EYS: variants seen among roughly 807,000 people sequenced by gnomAD.
The protein encoded by EYS is protein eyes shut homolog.
A neutral mutation model predicts 282.1 loss-of-function variants in EYS; 250 were observed. That is an observed-to-expected ratio of 0.89 (90% CI 0.80 to 0.98). EYS has a LOEUF of 0.98. Ranked by LOEUF, EYS falls within the 50% of genes least tolerant of loss-of-function variation. EYS has a pLI of 0.00. For missense variants in EYS, 4,016 were observed against 3,709.0 expected (o/e 1.08, Z -2.15); for synonymous variants, 1,355 against 1,282.9 (o/e 1.06, Z -1.20).
At chr6:65,143,496 A>T (rs1236489023) in intron 12 of EYS, among the ~76,000 whole-genome samples, 2 of 152,076 alleles carry the variant, frequency 1.3e-5, no homozygotes, top group Non-Finnish European at 2.9e-5. Context: ...CGATTTAGAT[A>T]ACAAAAATAT....
chr6:65,587,117 A>C (rs1384408336), intron 2 of EYS, among the ~76,000 whole-genome samples: 1 of 152,022 alleles, frequency 6.6e-6, no homozygotes, highest in Non-Finnish European at 1.5e-5. Flanking sequence ...ACATTTGATA[A>C]GACTAATCAT....
intron 35 of EYS, among the ~76,000 whole-genome samples, chr6:63,902,562 T>C (rs971903185): frequency 2.6e-5 from 4 of 152,036 alleles, no homozygotes; most frequent in African/African-American, 7.2e-5. Context: ...AACATATAAA[T>C]GTATATTATG....
intron 29 of EYS, among the ~76,000 whole-genome samples, chr6:64,351,832 T>C (rs533935560): frequency 2.6e-5 from 4 of 151,704 alleles, no homozygotes; most frequent in Middle Eastern, 3.4e-3. Flanking sequence ...CATATGGTGA[T>C]ACAAATAATA....
chr6:65,435,740 A>G (rs1768053520), intron 5 of EYS, among the ~76,000 whole-genome samples: 1 of 152,144 alleles, frequency 6.6e-6, no homozygotes, highest in Non-Finnish European at 1.5e-5. Flanking sequence ...CCAATAATTC[A>G]GAAAGTAACT....
chr6:64,192,712 T>C (rs1475332477), intron 31 of EYS, among the ~76,000 whole-genome samples: 1 of 152,190 alleles, frequency 6.6e-6, no homozygotes, highest in Admixed American at 6.5e-5. Flanking sequence ...ACGTTAGACC[T>C]AAAACCATAA....
chr6:65,505,871 T>C (rs1361999933), intron 2 of EYS, among the ~76,000 whole-genome samples: 1 of 152,166 alleles, frequency 6.6e-6, no homozygotes, highest in Non-Finnish European at 1.5e-5. Context: ...TGCTGTTGGA[T>C]AGACTATAAT....
chr6:64,282,836 T>A (rs1416668909), intron 30 of EYS, among the ~76,000 whole-genome samples: 2 of 152,196 alleles, frequency 1.3e-5, no homozygotes, highest in Non-Finnish European at 2.9e-5. Context: ...AAAGATACTA[T>A]GAATCTGATG....
intron 28 of EYS, among the ~76,000 whole-genome samples, chr6:64,421,841 C>T (rs994680465): frequency 1.5e-4 from 22 of 148,232 alleles, no homozygotes; most frequent in South Asian, 2.2e-4. Flanking sequence ...AGAGAGAGAG[C>T]GCATTTTTTT....
chr6:64,033,170 T>C (rs1227335596), intron 33 of EYS, among the ~76,000 whole-genome samples: 1 of 152,220 alleles, frequency 6.6e-6, no homozygotes, highest in Non-Finnish European at 1.5e-5. Flanking sequence ...TGAAGAAATG[T>C]CTAGTCAAGT....
intron 2 of EYS, among the ~76,000 whole-genome samples, chr6:65,592,876 G>A (rs114895952): frequency 0.013 from 1,988 of 151,994 alleles, 35 homozygotes; most frequent in African/African-American, 0.038. Context: ...CTTAACATTG[G>A]CTTTATTCTT....
intron 31 of EYS, among the ~76,000 whole-genome samples, chr6:64,175,949 C>G (rs1378839915): frequency 6.6e-6 from 1 of 152,060 alleles, no homozygotes; most frequent in Non-Finnish European, 1.5e-5. Context: ...TAACTTATAT[C>G]CCATAGTAGA....
intron 33 of EYS, among the ~76,000 whole-genome samples, chr6:64,042,687 C>T (rs1002582160): frequency 1.3e-4 from 20 of 152,120 alleles, no homozygotes; most frequent in African/African-American, 4.8e-4. Flanking sequence ...AGTGGCTTTT[C>T]GCTTTTTCTT....
intron 12 of EYS, among the ~76,000 whole-genome samples, chr6:65,222,414 C>A (rs1766491697): frequency 6.6e-6 from 1 of 152,166 alleles, no homozygotes; most frequent in African/African-American, 2.4e-5. Flanking sequence ...GTCCCCTGCA[C>A]ATGCTCTCTT....
chr6:65,491,404 C>T, intron 4 of EYS: 1 of 312,666 alleles, frequency 3.2e-6, no homozygotes, highest in Admixed American at 4.0e-5. Context: ...AGCAAGTGGA[C>T]AAATGCTGTT....
Position 64,822,716 on chromosome 6 carries a change from C to T in EYS, c.3099G>A (p.Gly1033=). The part of the protein sequence containing the change: ...INHYTCDCKS[G]FFGTHCETNA... ...TTGTTTCACAGTGTGTTCCAAAAAA[C>T]CCACTCTTGCAGTCACAGGTATAAT... Residue 1033 remains glycine (G), a synonymous_variant, in exon 20 of 43, where the codon GGG becomes GGA. Coordinates refer to ENST00000503581, the MANE Select transcript of EYS (RefSeq NM_001142800.2). The T allele has an allele frequency of 1.3e-6, 2 of 1,549,282 alleles. No homozygotes were observed. The highest frequency in any genetic ancestry group is 1.7e-6 in the Non-Finnish European group (2 of 1,145,870).
intron 5 of EYS, among the ~76,000 whole-genome samples, chr6:65,416,161 T>C (rs955598985): frequency 2.6e-5 from 4 of 151,896 alleles, no homozygotes; most frequent in African/African-American, 9.7e-5. Context: ...ACCAACAGAA[T>C]TTGGAATCCT....
chr6:64,090,561 A>T (rs538322255), intron 31 of EYS, among the ~76,000 whole-genome samples: 9 of 152,228 alleles, frequency 5.9e-5, no homozygotes, highest in African/African-American at 2.2e-4. Flanking sequence ...GACAGCTGTG[A>T]GTTCCTTAAA....
intron 30 of EYS, among the ~76,000 whole-genome samples, chr6:64,298,001 T>TAAAAAAAAAA (rs1769097836): frequency 7.5e-6 from 1 of 134,038 alleles, no homozygotes; most frequent in African/African-American, 3.0e-5. Context: ...AAAAAAAAAT[T>TAAAAAAAAAA]AGGTAGAAAT....
At chr6:64,481,512 G>T (rs1430218363) in intron 26 of EYS, among the ~76,000 whole-genome samples, 4 of 135,330 alleles carry the variant, frequency 3.0e-5, no homozygotes, top group African/African-American at 1.0e-4. Context: ...AATTATTTTT[G>T]TTTTCTCACA....
Sources: allele counts gnomAD v4.1 joint callset (sites outside exome capture counted in the v4.1 genomes callset), GRCh38; gene constraint gnomAD v4.1.1; transcripts MANE v1.5; gene names NCBI Gene and HGNC (gene_info 2026-07-23, HGNC 2026-07-21).